Variants in COL28A1 observed in about 807,000 individuals in gnomAD.
COL28A1 encodes the protein collagen type XXVIII alpha 1 chain.
In COL28A1, 161 loss-of-function variants were observed where a neutral mutation model predicts 150.2. The ratio of observed to expected loss-of-function variants is 1.07; its 90% CI spans 0.94 to 1.22. COL28A1 has a LOEUF of 1.22. COL28A1 is among the 50% of genes most tolerant of loss of function. The pLI is 0.00. For synonymous variants in COL28A1, 552 were observed against 469.7 expected (o/e 1.18, Z -2.26); for missense variants, 1,617 against 1,388.3 (o/e 1.16, Z -2.62).
rs1424712936 is a variant in COL28A1 at position 7,517,894 on chromosome 7, C to T, written c.814-57G>A. 7 of 1,562,200 alleles carry T rather than the reference C, an allele frequency of 4.5e-6. No individual in the cohort carries two copies. In the African/African-American group the frequency reaches 8.3e-5, roughly 19 times the overall value. ...CAGCCCTGAAGAGTGACTGATTGCT[C>T]AATAAAATGCATTATACAGAAGATT... On this transcript the variant is annotated intron_variant, in intron 6 of 34. Transcript: ENST00000399429.
chr7:7,356,275 T>TACA (rs1780351636), downstream of COL28A1: 1 of 152,204 alleles, frequency 6.6e-6, no homozygotes, highest in Admixed American at 6.5e-5. Context: ...TATAGAGTTT[T>TACA]ACATGTAAAA....
At position 7,533,647 on chromosome 7, in the gene COL28A1, C is replaced by A. The variant is rs892947348; in HGVS notation, c.-37-735G>T. ...AACGGGACTTAAAGCCAAGAAGCACCCCCTCTGAATAGCCCCGTGAAACTA... is the reference window on the plus strand; with the variant it reads ...AACGGGACTTAAAGCCAAGAAGCACACCCTCTGAATAGCCCCGTGAAACTA... On this transcript the variant is annotated intron_variant, in intron 1 of 34. Coordinates refer to ENST00000399429, the MANE Select transcript of COL28A1 (RefSeq NM_001037763.3). Among the ~76,000 whole-genome samples the A allele has an allele frequency of 2.0e-5, 3 of 151,926 alleles. No homozygotes were observed. The East Asian group carries it at 5.8e-4, about 29-fold the overall frequency.
At chr7:7,429,406 CCTCT>C (rs4035101) in intron 25 of COL28A1, among the ~76,000 whole-genome samples, 8 of 134,344 alleles carry the variant, frequency 6.0e-5, no homozygotes, top group African/African-American at 1.7e-4. Context: ...TATGAATCTC[CCTCT>C]CTCTCTCTCT....
Position 7,456,036 on chromosome 7 carries a change from T to A in COL28A1, c.1371+8A>T. ...GCACTGAAGGGAAAGGAAGAATGCA[T>A]TAATTACCTGTTCCCCTTGACTCCC... is the stretch of plus-strand genomic sequence containing the variant. On this transcript the variant is annotated splice_region_variant and intron_variant, in intron 16 of 34. Coordinates refer to ENST00000399429, the MANE Select transcript of COL28A1 (RefSeq NM_001037763.3). 6.2e-7 allele frequency: 1 copy of A among 1,613,878 alleles called. No homozygotes were observed. Among genetic ancestry groups the A allele is most frequent in the Non-Finnish European group, 8.5e-7 (1 of 1,179,862 alleles).
intron 27 of COL28A1, among the ~76,000 whole-genome samples, chr7:7,403,177 G>A (rs1356381951): frequency 1.3e-5 from 2 of 148,230 alleles, no homozygotes; most frequent in African/African-American, 5.1e-5. Context: ...TTGAAGTTGG[G>A]GTGAAAGGGA....
chr7:7,407,307 A>G (rs1002532752), intron 27 of COL28A1, among the ~76,000 whole-genome samples: 2 of 152,084 alleles, frequency 1.3e-5, no homozygotes, highest in Non-Finnish European at 2.9e-5. Context: ...AGAATTTTCC[A>G]GAAATCATAA....
intron 21 of COL28A1, 143 bp from the exon 22 acceptor site, chr7:7,437,605 T>C (rs1355229207): frequency 7.6e-7 from 1 of 1,308,726 alleles, no homozygotes; most frequent in Non-Finnish European, 9.7e-7. Context: ...TGAAAATAAT[T>C]TGAGCATCTT....
chr7:7,383,250 TTGTGTGTGTGTGTGTGTGTGTGTG>T (rs368714766), intron 27 of COL28A1, among the ~76,000 whole-genome samples: 1 of 107,142 alleles, frequency 9.3e-6, no homozygotes, highest in East Asian at 3.5e-4. Flanking sequence ...CTTTTTTTTG[TTGTGTGTGTGTGTGTGTGTGTGTG>T]TGTGTGTGTG....
At chr7:7,366,069 C>T (rs1417576978) in intron 33 of COL28A1, among the ~76,000 whole-genome samples, 1 of 152,046 alleles carries the variant, frequency 6.6e-6, no homozygotes, top group African/African-American at 2.4e-5. Flanking sequence ...AGTAAAATAG[C>T]CTGCATTCTG....
the COL28A1 span, among the ~76,000 whole-genome samples, chr7:7,349,882 G>A: frequency 9.2e-5 from 14 of 152,076 alleles, no homozygotes; most frequent in Non-Finnish European, 1.3e-4. Flanking sequence ...AGTGAAGAAG[G>A]GAAAATTCCA....
At chr7:7,521,332 C>T (rs1469404161) in intron 5 of COL28A1, among the ~76,000 whole-genome samples, 2 of 152,194 alleles carry the variant, frequency 1.3e-5, no homozygotes, top group African/African-American at 4.8e-5. Context: ...GCACTCCTTC[C>T]TGGATTATCT....
At chr7:7,471,132 A>T (rs1164837364) in intron 15 of COL28A1, among the ~76,000 whole-genome samples, 18 of 147,568 alleles carry the variant, frequency 1.2e-4, no homozygotes, top group African/African-American at 4.4e-4. Context: ...AATTAAAAAA[A>T]AAAAAAAAAA....
intron 21 of COL28A1, among the ~76,000 whole-genome samples, chr7:7,440,037 C>G (rs1562653319): frequency 6.6e-6 from 1 of 152,176 alleles, no homozygotes; most frequent in Non-Finnish European, 1.5e-5. Flanking sequence ...CATGAACTCT[C>G]TTACGTTTGC....
chr7:7,373,538 G>T lies in COL28A1; in HGVS notation c.2368C>A (p.Pro790Thr), dbSNP rs879227778. The T allele has an allele frequency of 1.2e-6, 2 of 1,607,864 alleles. No individual in the cohort carries two copies. ...KLITEICGCG[P>T]KCKETPLELV... is the part of the protein sequence containing the mutation. The stretch of plus-strand genomic sequence containing the variant: ...TCTAGTGGAGTCTCTTTGCATTTGG[G>T]CCCACAACCTAAAAGATGAATGTTG... Residue 790 changes from proline to threonine, a missense_variant, in exon 32 of 35, where the codon CCC (proline) becomes ACC (threonine). Physicochemically the swap from Pro to Thr is conservative, Grantham distance 38 (BLOSUM62 -1). Coordinates refer to ENST00000399429, the MANE Select transcript of COL28A1 (RefSeq NM_001037763.3). This position sits in a 1 kb window ranked among gnomAD's most constrained non-coding sequence, Gnocchi z 4.1.
At chr7:7,436,326 C>T in intron 23 of COL28A1, 69 bp downstream of exon 23, 1 of 859,120 alleles carries the variant, frequency 1.2e-6, no homozygotes, top group Non-Finnish European at 2.0e-6. Flanking sequence ...GAAAAATCAA[C>T]TTATGCATTA....
At chr7:7,534,844 T>C (rs1782559137) in intron 1 of COL28A1, among the ~76,000 whole-genome samples, 1 of 152,178 alleles carries the variant, frequency 6.6e-6, no homozygotes, top group African/African-American at 2.4e-5. Context: ...CTGACATTGT[T>C]AATCTAGCTC....
intron 15 of COL28A1, among the ~76,000 whole-genome samples, chr7:7,462,781 C>A (rs1054232653): frequency 2.0e-5 from 3 of 151,736 alleles, no homozygotes; most frequent in Non-Finnish European, 2.9e-5. Context: ...ATCACTTGAA[C>A]CCGGGAGGCA....
intron 25 of COL28A1, among the ~76,000 whole-genome samples, chr7:7,426,686 A>G (rs768209907): frequency 4.6e-5 from 7 of 152,220 alleles, no homozygotes; most frequent in Non-Finnish European, 1.0e-4. Context: ...GAATCAATTT[A>G]TCTCCTAAAA....
intron 15 of COL28A1, among the ~76,000 whole-genome samples, chr7:7,463,726 C>G (rs1326021328): frequency 1.3e-5 from 2 of 152,118 alleles, no homozygotes; most frequent in African/African-American, 4.8e-5. Flanking sequence ...CTCTTTAAAT[C>G]ATAAATTTCA....
Sources: gnomAD v4.1 joint callset for allele counts (sites outside exome capture counted in the v4.1 genomes callset) on GRCh38, gnomAD v4.1.1 for gene constraint, Gnocchi (gnomAD v3.1) non-coding constraint, MANE v1.5 for transcripts, NCBI Gene and HGNC (gene_info 2026-07-23, HGNC 2026-07-21) for gene names.